The following NLRC3 variants were observed in gnomAD, a reference collection of about 807,000 sequenced individuals.
NLRC3 encodes the protein NLR family CARD domain-containing protein 3.
In NLRC3, 87 loss-of-function variants were observed where a neutral mutation model predicts 91.6. That is an observed-to-expected ratio of 0.95 (90% CI 0.80 to 1.14). The LOEUF (loss-of-function observed/expected upper bound fraction) is 1.14. Ranked by LOEUF, NLRC3 falls within the 50% of genes most tolerant of loss-of-function variation. The probability of loss-of-function intolerance (pLI) is 0.00; values close to 1 mark genes in which losing one functional copy is unlikely to be tolerated. For synonymous variants in NLRC3, 694 were observed against 625.3 expected (o/e 1.11, Z -1.64); for missense variants, 1,577 against 1,418.6 (o/e 1.11, Z -1.79).
At position 3,542,637 on chromosome 16, in the gene NLRC3, C is replaced by A. The variant is rs78010013; in HGVS notation, c.3023+55G>T. Reference sequence around the variant, plus strand: ...GAGCATTTTATTCCATCAGGGAGGACCCAGCAGAGAACTCTGCTGCTCCAG... The same window carrying A: ...GAGCATTTTATTCCATCAGGGAGGAACCAGCAGAGAACTCTGCTGCTCCAG... On this transcript the variant is annotated intron_variant, in intron 18 of 19. Coordinates refer to ENST00000359128, the MANE Select transcript of NLRC3 (RefSeq NM_178844.4). The A allele has an allele frequency of 5.1e-3, 5,268 of 1,039,412 alleles. 106 individuals carry two copies. In the African/African-American group the frequency reaches 0.051, roughly 10 times the overall value. The allele number at this position is 1,039,412 out of a possible 1,614,324, so 64.4% of individuals were successfully genotyped here.
intron 2 of NLRC3, 113 bp from the exon 3 acceptor site, chr16:3,565,493 AAAAAG>A (rs1420568649): frequency 2.5e-5 from 9 of 365,306 alleles, no homozygotes; most frequent in Non-Finnish European, 4.7e-5. Flanking sequence ...AAAAAAAAAA[AAAAAG>A]GCAGCAGCAG....
Position 3,547,538 on chromosome 16 carries a change from G to A in NLRC3, c.2771+597C>T, listed in dbSNP as rs190547023. Among the ~76,000 whole-genome samples the A allele has an allele frequency of 8.5e-4, 130 of 152,176 alleles. 1 individual carries two copies. Among genetic ancestry groups the A allele is most frequent in the Non-Finnish European group, 1.5e-3 (105 of 68,014 alleles). ...ATACTAAGTGGGTGGATCTTCTGGCGTGAAGATTATATCTCAATCAAGCTG... is the reference window on the plus strand; with the variant it reads ...ATACTAAGTGGGTGGATCTTCTGGCATGAAGATTATATCTCAATCAAGCTG... On this transcript the variant is annotated intron_variant, in intron 15 of 19. Transcript: ENST00000359128.
At chr16:3,545,310 G>T (rs1311811248) in intron 15 of NLRC3, 1 of 151,978 alleles carries the variant, frequency 6.6e-6, no homozygotes, top group African/African-American at 2.4e-5. Flanking sequence ...GGCTGGGTGG[G>T]TGTATTTTTA....
chr16:3,566,145 A>G (rs1460911222), intron 2 of NLRC3, among the ~76,000 whole-genome samples: 3 of 150,112 alleles, frequency 2.0e-5, no homozygotes, highest in South Asian at 2.1e-4. Context: ...GCCAGAGTAT[A>G]CACTATGGAC....
At chr16:3,570,772 C>T (rs549256946) in intron 1 of NLRC3, among the ~76,000 whole-genome samples, 17 of 152,226 alleles carry the variant, frequency 1.1e-4, no homozygotes, top group African/African-American at 3.9e-4. Flanking sequence ...GCAAGTGGCA[C>T]CACCCCCTCA....
At chr16:3,570,224 G>C (rs936599658) in intron 1 of NLRC3, among the ~76,000 whole-genome samples, 1 of 151,948 alleles carries the variant, frequency 6.6e-6, no homozygotes, top group African/African-American at 2.4e-5. Context: ...ACCCACCTCA[G>C]CCTCCCAAAG....
rs751167151 is a variant in NLRC3 at position 3,556,911 on chromosome 16, C to A, written c.2183G>T (p.Ser728Ile). 6.2e-7 allele frequency: 1 copy of A among 1,611,078 alleles called. No homozygotes were observed. Among genetic ancestry groups the A allele is most frequent in the East Asian group, 2.2e-5 (1 of 44,864 alleles). Residue 728 changes from serine to isoleucine, a missense_variant and splice_region_variant, in exon 8 of 20, where the codon AGC (serine) becomes ATC (isoleucine). Coordinates refer to ENST00000359128, the MANE Select transcript of NLRC3 (RefSeq NM_178844.4). ...AACACAGGGAGCAGGTGACACACAC[C>A]TCAGGGAGGTCAGGGTGCGGTTGAT... ...LKINRTLTSL[S>I]LQGNTVRDDG...
Position 3,577,382 on chromosome 16 carries a change from C to T in NLRC3, c.-402G>A. ...CGACCTTCTGCAGCCCCACCGAGCC[C>T]ACCGGCTGTCCCTGTGGCTCCGGGT... On this transcript the variant is annotated 5_prime_UTR_variant, in exon 1 of 20. Transcript: ENST00000359128. The T allele has an allele frequency of 1.7e-6, 1 of 574,308 alleles. No homozygotes were observed. Among genetic ancestry groups the T allele is most frequent in the Non-Finnish European group, 3.1e-6 (1 of 323,474 alleles). The allele number at this position is 574,308 out of a possible 1,614,324, so 35.6% of individuals were successfully genotyped here.
intron 17 of NLRC3, 58 bp from the exon 18 acceptor site, chr16:3,542,833 C>A: frequency 8.1e-7 from 1 of 1,236,458 alleles, no homozygotes. Context: ...TGATACTGAC[C>A]CCTCTGCGGG....
chr16:3,551,364 G>A (rs967902956), intron 10 of NLRC3, among the ~76,000 whole-genome samples: 2 of 119,860 alleles, frequency 1.7e-5, no homozygotes, highest in Non-Finnish European at 3.5e-5. Context: ...ATCCATTCAC[G>A]TACCCATCCA....
chr16:3,553,805 G>A (rs1324956890), intron 9 of NLRC3, among the ~76,000 whole-genome samples: 5 of 150,240 alleles, frequency 3.3e-5, no homozygotes, highest in African/African-American at 7.4e-5. Flanking sequence ...GCAATGGCAC[G>A]ATCTCAGCTC....
chr16:3,568,803 C>T (rs1449506335), intron 1 of NLRC3, among the ~76,000 whole-genome samples: 1 of 152,102 alleles, frequency 6.6e-6, no homozygotes, highest in Non-Finnish European at 1.5e-5. Flanking sequence ...TGAGGTCCTT[C>T]TTTAGATCCT....
At chr16:3,548,479 CAT>C (rs944399760) in intron 14 of NLRC3, among the ~76,000 whole-genome samples, 189 bp downstream of exon 14, 4 of 152,232 alleles carry the variant, frequency 2.6e-5, no homozygotes, top group Admixed American at 1.3e-4. Context: ...CCTCTTAACA[CAT>C]GTCTGTCTGT....
Position 3,557,623 on chromosome 16 carries a change from A to G in NLRC3, c.2069T>C (p.Leu690Pro). 1.2e-6 allele frequency: 2 copies of G among 1,613,624 alleles called. No homozygotes were observed. Among genetic ancestry groups the G allele is most frequent in the Non-Finnish European group, 1.7e-6 (2 of 1,179,638 alleles). The change falls in exon 7 of 20, where the codon CTC becomes CCC. Residue 690 changes from leucine to proline, a missense_variant. Leu to Pro is a moderately conservative substitution (Grantham distance 98, BLOSUM62 -3). Transcript: ENST00000359128. ...AGAGGTCAGACTTCTGTTGACCAAGAGGGATCTGGCCAGAGCTTTGGCCCC... is the reference window on the plus strand; with the variant it reads ...AGAGGTCAGACTTCTGTTGACCAAGGGGGATCTGGCCAGAGCTTTGGCCCC... Reference protein sequence around the residue: ...NKGAKALARSLLVNRSLTSLD... With the variant: ...NKGAKALARSPLVNRSLTSLD...
Position 3,564,459 on chromosome 16 carries a change from G to T in NLRC3, c.478C>A (p.Arg160Ser). 6.2e-7 allele frequency: 1 copy of T among 1,612,624 alleles called. No individual in the cohort carries two copies. The highest frequency in any genetic ancestry group is 2.2e-5 in the East Asian group (1 of 44,876). The change falls in exon 5 of 20, where the codon CGC (arginine) becomes AGC (serine). Residue 160 changes from arginine (R) to serine (S), a missense_variant. Arg to Ser is a moderately radical substitution (Grantham distance 110, BLOSUM62 -1). Coordinates refer to ENST00000359128, the MANE Select transcript of NLRC3 (RefSeq NM_178844.4). This position sits in a 1 kb window ranked among gnomAD's most constrained non-coding sequence, Gnocchi z 5.9. ...CCGACCTGCCCATGGGCCCAGAGGC[G>T]GACGAAGTGCCTCACCAGGGTGGTC... ...GKTTLVRHFV[R>S]LWAHGQVGKD...
intron 6 of NLRC3, 137 bp from the exon 7 acceptor site, chr16:3,557,813 C>A: frequency 1.6e-6 from 1 of 622,512 alleles, no homozygotes; most frequent in Non-Finnish European, 2.9e-6. Context: ...GATGAGGTGA[C>A]CCCTGGAGCA....
At chr16:3,542,008 G>C (rs1276782642) in intron 19 of NLRC3, 93 bp from the exon 20 acceptor site, 4 of 844,076 alleles carry the variant, frequency 4.7e-6, no homozygotes, top group African/African-American at 3.4e-5. Context: ...CCCATGCAAA[G>C]CCTTTGTGCT....
chr16:3,551,295 CCCAT>C (rs1182861465), intron 10 of NLRC3, among the ~76,000 whole-genome samples: 1 of 149,500 alleles, frequency 6.7e-6, no homozygotes, highest in Non-Finnish European at 1.5e-5. Context: ...TATCCACTCA[CCCAT>C]CCATCCATCC....
chr16:3,565,263 G>A, intron 3 of NLRC3, 56 bp downstream of exon 3: 1 of 691,486 alleles, frequency 1.4e-6, no homozygotes, highest in East Asian at 2.7e-5. Context: ...ACGAATGCAG[G>A]GGCCCAGTGG....
Sources: gnomAD v4.1 joint callset for allele counts (sites outside exome capture counted in the v4.1 genomes callset) on GRCh38, gnomAD v4.1.1 for gene constraint, Gnocchi (gnomAD v3.1) non-coding constraint, MANE v1.5 for transcripts, NCBI Gene and HGNC (gene_info 2026-07-23, HGNC 2026-07-21) for gene names.